MCF2L2: variants seen among roughly 807,000 people sequenced by gnomAD.
The protein encoded by MCF2L2 is probable guanine nucleotide exchange factor MCF2L2.
MCF2L2 carries 102 observed loss-of-function variants against 150.2 expected under a neutral mutation model. The observed-to-expected ratio is 0.68, with a 90% CI of 0.58 to 0.80. The LOEUF (loss-of-function observed/expected upper bound fraction) is 0.80. Ranked by LOEUF, MCF2L2 falls within the 30% of genes least tolerant of loss-of-function variation. MCF2L2 has a pLI of 0.00. For missense variants in MCF2L2, 1,256 were observed against 1,372.8 expected, an observed-to-expected ratio of 0.91 and a Z score of 1.34; for synonymous variants, 465 against 491.3, an observed-to-expected ratio of 0.95 and a Z score of 0.71.
intron 1 of MCF2L2, among the ~76,000 whole-genome samples, chr3:183,424,977 T>C (rs1182247802): frequency 6.6e-6 from 1 of 152,074 alleles, no homozygotes; most frequent in African/African-American, 2.4e-5. Flanking sequence ...AGTGAAGAGC[T>C]TGTATCTTAG....
At chr3:183,296,651 C>A in intron 12 of MCF2L2, 1 of 220,902 alleles carries the variant, frequency 4.5e-6, no homozygotes, top group Admixed American at 5.1e-5. Flanking sequence ...TCAGCCTCTC[C>A]CACAAACTGT....
chr3:183,365,328 T>C (rs1712459241), intron 3 of MCF2L2, among the ~76,000 whole-genome samples: 1 of 152,198 alleles, frequency 6.6e-6, no homozygotes, highest in Admixed American at 6.5e-5. Context: ...TTTTCTTTTT[T>C]ATGAAGCTAG....
chr3:183,389,676 C>T lies in MCF2L2; in HGVS notation c.160+20G>A. On this transcript the variant is annotated intron_variant, in intron 2 of 29. Transcript: ENST00000328913. ...ACCCCCCCATCAAAATCTGGAAATG[C>T]AAATGAATGTGCCCCTTACCTGAAA... 6.2e-7 allele frequency: 1 copy of T among 1,609,226 alleles called. No individual in the cohort carries two copies. Among genetic ancestry groups the T allele is most frequent in the Non-Finnish European group, 8.5e-7 (1 of 1,175,650 alleles).
chr3:183,273,379 A>C (rs1726952338), intron 15 of MCF2L2: 1 of 198,226 alleles, frequency 5.0e-6, no homozygotes, highest in Non-Finnish European at 1.1e-5. Context: ...AAACAACTGA[A>C]AAATTATCAT....
At chr3:183,414,292 T>C (rs890636758) in intron 1 of MCF2L2, among the ~76,000 whole-genome samples, 9 of 152,212 alleles carry the variant, frequency 5.9e-5, no homozygotes, top group African/African-American at 1.4e-4. Flanking sequence ...TTTCTATTTC[T>C]TGAGTCATTT....
intron 15 of MCF2L2, among the ~76,000 whole-genome samples, chr3:183,265,730 C>T (rs1225185366): frequency 6.6e-6 from 1 of 152,204 alleles, no homozygotes; most frequent in African/African-American, 2.4e-5. Flanking sequence ...AGGAGTTTTA[C>T]TTTTCCTAAA....
chr3:183,205,810 T>C, intron 25 of MCF2L2, 66 bp downstream of exon 25: 3 of 1,200,888 alleles, frequency 2.5e-6, no homozygotes, highest in Non-Finnish European at 3.7e-6. Flanking sequence ...ATCCCCAATT[T>C]GCACATCCCC....
At chr3:183,411,642 C>A (rs1043181293) in intron 1 of MCF2L2, among the ~76,000 whole-genome samples, 4 of 148,254 alleles carry the variant, frequency 2.7e-5, no homozygotes, top group Non-Finnish European at 5.9e-5. Flanking sequence ...ATAGGGAACA[C>A]ACATGAGCCT....
chr3:183,244,765 AG>A lies in MCF2L2; in HGVS notation c.1863-13749del, dbSNP rs1252878866. On this transcript the variant is annotated intron_variant, in intron 15 of 29. Transcript: ENST00000328913. ...GTGTTTTATTTAATAATCAGGAAAC[AG>A]TTCAAATAGAGGCCCAGGGCTCTGA... is the stretch of plus-strand genomic sequence containing the variant. Among the ~76,000 whole-genome samples, 9 of 152,248 alleles carry A rather than the reference AG, an allele frequency of 5.9e-5. No homozygotes were observed. In the East Asian group the frequency reaches 1.7e-3, roughly 29 times the overall value.
intron 25 of MCF2L2, among the ~76,000 whole-genome samples, chr3:183,196,459 G>C (rs545444092): frequency 2.0e-5 from 3 of 152,186 alleles, no homozygotes; most frequent in Non-Finnish European, 4.4e-5. Flanking sequence ...TGACAGTCCT[G>C]ATATTCCTGA....
At chr3:183,363,924 C>T (rs1712364818) in intron 3 of MCF2L2, among the ~76,000 whole-genome samples, 1 of 152,100 alleles carries the variant, frequency 6.6e-6, no homozygotes, top group Admixed American at 6.6e-5. Flanking sequence ...CATGGAACAT[C>T]CACAGAAATT....
chr3:183,344,582 A>C (rs932582452), intron 3 of MCF2L2, among the ~76,000 whole-genome samples: 1 of 152,210 alleles, frequency 6.6e-6, no homozygotes, highest in African/African-American at 2.4e-5. Context: ...AACAATATTA[A>C]CCTTAAGTGT....
rs553146549 is a variant in MCF2L2 at position 183,200,064 on chromosome 3, T to G, written c.2885-4809A>C. Among the ~76,000 whole-genome samples the G allele has an allele frequency of 6.2e-4, 95 of 152,278 alleles. 1 individual carries two copies. Among genetic ancestry groups the G allele is most frequent in the African/African-American group, 2.1e-3 (87 of 41,544 alleles). On this transcript the variant is annotated intron_variant, in intron 25 of 29. Transcript: ENST00000328913. ...GGTTGGTTCCAAGTCTTTGCTATTG[T>G]GAATAGTGCTGCAATAAACATACGT...
intron 15 of MCF2L2, among the ~76,000 whole-genome samples, chr3:183,235,109 T>C (rs1191479852): frequency 1.2e-5 from 1 of 80,588 alleles, no homozygotes; most frequent in African/African-American, 5.8e-5. Flanking sequence ...GTTGGACATT[T>C]GGGTTGGTTC....
intron 1 of MCF2L2, among the ~76,000 whole-genome samples, chr3:183,425,652 G>A (rs1716124008): frequency 2.0e-5 from 3 of 152,124 alleles, no homozygotes; most frequent in Admixed American, 6.5e-5. Flanking sequence ...TTCCTGCCCT[G>A]AGCCTGCCAC....
chr3:183,202,319 G>A (rs141327565), intron 25 of MCF2L2, among the ~76,000 whole-genome samples: 153 of 152,224 alleles, frequency 1.0e-3, no homozygotes, highest in African/African-American at 3.5e-3. Context: ...CTAACAGTGG[G>A]GCAAACATGG....
chr3:183,262,067 T>C (rs933760642), intron 15 of MCF2L2, among the ~76,000 whole-genome samples: 1 of 148,434 alleles, frequency 6.7e-6, no homozygotes. Context: ...AATGCATATA[T>C]ATTATATATA....
chr3:183,387,478 A>G (rs1713897674), intron 2 of MCF2L2, among the ~76,000 whole-genome samples: 1 of 152,166 alleles, frequency 6.6e-6, no homozygotes, highest in African/African-American at 2.4e-5. Context: ...TACCATATTT[A>G]TTGTGAGCAT....
intron 5 of MCF2L2, among the ~76,000 whole-genome samples, 158 bp from the exon 6 acceptor site, chr3:183,323,509 C>A (rs547952464): frequency 6.6e-6 from 1 of 151,862 alleles, no homozygotes; most frequent in East Asian, 1.9e-4. Flanking sequence ...AAAATGGTTA[C>A]AGCCAAGCAC....
Sources: allele counts gnomAD v4.1 joint callset (sites outside exome capture counted in the v4.1 genomes callset), GRCh38; gene constraint gnomAD v4.1.1; transcripts MANE v1.5; gene names NCBI Gene and HGNC (gene_info 2026-07-23, HGNC 2026-07-21).